Variants in PDE4D observed in about 807,000 individuals in gnomAD.
The protein encoded by PDE4D is 3',5'-cyclic-AMP phosphodiesterase 4D.
In PDE4D, 24 loss-of-function variants were observed where a neutral mutation model predicts 87.4. The observed-to-expected ratio is 0.27, with a 90% CI of 0.20 to 0.39. The LOEUF is 0.39. Ranked by LOEUF, PDE4D falls within the 10% of genes least tolerant of loss-of-function variation. The pLI is 1.00. For missense variants in PDE4D, 714 were observed against 1,041.0 expected (o/e 0.69, Z 4.32); for synonymous variants, 384 against 383.2 (o/e 1.00, Z -0.02).
At chr5:59,510,477 A>G (rs1810097714) in intron 1 of PDE4D, among the ~76,000 whole-genome samples, 2 of 151,866 alleles carry the variant, frequency 1.3e-5, no homozygotes, top group Non-Finnish European at 3.0e-5. Flanking sequence ...AAGAGAAAAC[A>G]GCAACAAAAA....
At chr5:60,294,993 G>T (rs1355516301) in intron 1 of PDE4D, among the ~76,000 whole-genome samples, 1 of 152,038 alleles carries the variant, frequency 6.6e-6, no homozygotes, top group Non-Finnish European at 1.5e-5. Flanking sequence ...TCTGATCAAT[G>T]AGCAAAGTAT....
intron 2 of PDE4D, among the ~76,000 whole-genome samples, chr5:60,018,646 T>C (rs1765750299): frequency 6.6e-6 from 1 of 152,112 alleles, no homozygotes; most frequent in Non-Finnish European, 1.5e-5. Context: ...TGGAGGATAA[T>C]TTACCAAGAA....
intron 3 of PDE4D, among the ~76,000 whole-genome samples, chr5:59,917,837 T>G (rs1754237888): frequency 6.6e-6 from 1 of 152,116 alleles, no homozygotes. Context: ...CTTGTCAATA[T>G]CTTTATAGAT....
At chr5:59,835,971 T>C (rs1334331439) in intron 1 of PDE4D, among the ~76,000 whole-genome samples, 2 of 152,060 alleles carry the variant, frequency 1.3e-5, no homozygotes, top group Non-Finnish European at 1.5e-5. Flanking sequence ...CTTTGTGTTG[T>C]ATGACTCAGG....
At chr5:59,994,253 G>A (rs1248296015) in intron 2 of PDE4D, among the ~76,000 whole-genome samples, 4 of 151,332 alleles carry the variant, frequency 2.6e-5, no homozygotes, top group Non-Finnish European at 4.4e-5. Context: ...TATAGAGAGG[G>A]GGGAGAAATA....
intron 1 of PDE4D, among the ~76,000 whole-genome samples, chr5:59,548,429 C>A (rs1200160321): frequency 1.3e-5 from 2 of 152,110 alleles, no homozygotes; most frequent in African/African-American, 4.8e-5. Context: ...TCAACAAATG[C>A]TTATTTCACA....
At chr5:60,490,915 G>A (rs1561311803), upstream of PDE4D, 2 of 152,172 alleles carry the variant, frequency 1.3e-5, no homozygotes, top group Admixed American at 6.5e-5. Context: ...TGCCATTTAC[G>A]TAAGCCAAAG....
chr5:59,356,918 G>A (rs1454196231), intron 1 of PDE4D: 2 of 1,450,930 alleles, frequency 1.4e-6, no homozygotes, highest in Non-Finnish European at 1.8e-6. Context: ...GGGGCCCTGA[G>A]GCCCCGCACG....
intron 2 of PDE4D, chr5:60,022,725 T>G (rs1766203353): frequency 2.6e-5 from 4 of 152,274 alleles, no homozygotes; most frequent in African/African-American, 9.6e-5. Flanking sequence ...ATTTGGTAAT[T>G]ACTTATTTCC....
intron 1 of PDE4D, among the ~76,000 whole-genome samples, chr5:59,710,177 T>C (rs1233046921): frequency 1.3e-5 from 2 of 152,106 alleles, no homozygotes; most frequent in Admixed American, 6.6e-5. Flanking sequence ...GTCAGGACCT[T>C]GAGTCAGGGA....
At chr5:59,889,964 C>T (rs1258684155) in intron 1 of PDE4D, among the ~76,000 whole-genome samples, 5 of 151,984 alleles carry the variant, frequency 3.3e-5, no homozygotes, top group African/African-American at 1.2e-4. Context: ...AAGAATTGAC[C>T]ACAAAATATC....
At chr5:59,846,738 A>G (rs1743915015) in intron 1 of PDE4D, among the ~76,000 whole-genome samples, 1 of 151,970 alleles carries the variant, frequency 6.6e-6, no homozygotes, top group African/African-American at 2.4e-5. Context: ...AGTAGGGTGC[A>G]AAGGCTGAAA....
chr5:59,113,565 A>C (rs1773051317), intron 5 of PDE4D, among the ~76,000 whole-genome samples: 1 of 152,232 alleles, frequency 6.6e-6, no homozygotes, highest in South Asian at 2.1e-4. Context: ...AAATTTCTGA[A>C]AACTTAGCTA....
intron 1 of PDE4D, among the ~76,000 whole-genome samples, chr5:59,702,167 A>G (rs2150458202): frequency 6.6e-6 from 1 of 152,302 alleles, no homozygotes; most frequent in Non-Finnish European, 1.5e-5. Flanking sequence ...TCTGTCGCCC[A>G]GGCTGGAGTG....
chr5:59,628,453 T>A (rs550969914), intron 1 of PDE4D, among the ~76,000 whole-genome samples: 1 of 152,242 alleles, frequency 6.6e-6, no homozygotes, highest in African/African-American at 2.4e-5. Context: ...AATTTAGATT[T>A]ATTAAAATAA....
At chr5:59,039,053 C>T (rs1759097308) in intron 5 of PDE4D, 82 bp from the exon 6 acceptor site, 2 of 1,514,864 alleles carry the variant, frequency 1.3e-6, no homozygotes, top group Non-Finnish European at 1.8e-6. Flanking sequence ...GCCATCCTGC[C>T]ATACCCCGCC....
chr5:60,051,072 A>T (rs970911743), intron 2 of PDE4D, among the ~76,000 whole-genome samples: 2 of 152,122 alleles, frequency 1.3e-5, no homozygotes, highest in African/African-American at 4.8e-5. Flanking sequence ...AGACTTTTAG[A>T]CTCCCACACA....
chr5:59,779,172 A>G (rs1581067929), intron 1 of PDE4D, among the ~76,000 whole-genome samples: 1 of 152,144 alleles, frequency 6.6e-6, no homozygotes, highest in Non-Finnish European at 1.5e-5. Context: ...GGAAAAAAAA[A>G]AAAGAAAGAA....
chr5:60,111,124 C>T (rs1188922424), intron 2 of PDE4D, among the ~76,000 whole-genome samples: 2 of 151,830 alleles, frequency 1.3e-5, no homozygotes, highest in East Asian at 1.9e-4. Context: ...AGCTATAATC[C>T]ATTGTGTATT....
Sources: gnomAD v4.1 joint callset for allele counts (sites outside exome capture counted in the v4.1 genomes callset) on GRCh38, gnomAD v4.1.1 for gene constraint, MANE v1.5 for transcripts, NCBI Gene and HGNC (gene_info 2026-07-23, HGNC 2026-07-21) for gene names.